BICD1: variants seen among roughly 807,000 people sequenced by gnomAD.
The protein encoded by BICD1 is BICD cargo adaptor 1, also known as protein bicaudal D homolog 1.
In BICD1, 35 loss-of-function variants were observed where a neutral mutation model predicts 92.5. The ratio of observed to expected loss-of-function variants is 0.38; its 90% CI spans 0.29 to 0.50. The LOEUF (loss-of-function observed/expected upper bound fraction) is 0.50. BICD1 is among the 20% of genes least tolerant of loss of function. The pLI is 0.93. For missense variants in BICD1, 950 were observed against 1,189.8 expected, an observed-to-expected ratio of 0.80 and a Z score of 2.97; for synonymous variants, 429 against 465.1, an observed-to-expected ratio of 0.92 and a Z score of 1.00.
intron 1 of BICD1, among the ~76,000 whole-genome samples, chr12:32,174,034 A>G (rs1452789670): frequency 2.6e-5 from 4 of 152,216 alleles, no homozygotes; most frequent in African/African-American, 9.6e-5. Flanking sequence ...GACAGAAATG[A>G]AAAGCTGTCA....
chr12:32,283,563 G>T (rs708226), intron 2 of BICD1, among the ~76,000 whole-genome samples: 94,233 of 152,058 alleles, frequency 0.62, 30,231 homozygotes, highest in Middle Eastern at 0.77. Context: ...GTAAGTATGC[G>T]ATGATGGTGA....
At chr12:32,198,293 T>G (rs1266855550) in intron 1 of BICD1, among the ~76,000 whole-genome samples, 1 of 139,094 alleles carries the variant, frequency 7.2e-6, no homozygotes, top group African/African-American at 2.6e-5. Flanking sequence ...TTAGTAAATC[T>G]TATGAGGGGA....
chr12:32,109,714 T>G (rs1345833549), intron 1 of BICD1: 3 of 151,824 alleles, frequency 2.0e-5, no homozygotes, highest in Non-Finnish European at 2.9e-5. Context: ...GTAATAAAAT[T>G]ATTATAGTTG....
At chr12:32,212,905 T>C (rs1945258373) in intron 1 of BICD1, among the ~76,000 whole-genome samples, 1 of 152,212 alleles carries the variant, frequency 6.6e-6, no homozygotes. Flanking sequence ...ATTTATTTAT[T>C]TTTTAACTTT....
intron 1 of BICD1, among the ~76,000 whole-genome samples, chr12:32,166,325 G>A (rs1339862984): frequency 2.6e-5 from 4 of 151,398 alleles, no homozygotes; most frequent in East Asian, 1.9e-4. Flanking sequence ...TAGTAAAGAC[G>A]GGGTTTCACC....
chr12:32,111,681 C>T (rs899898954), intron 1 of BICD1, among the ~76,000 whole-genome samples: 2 of 150,948 alleles, frequency 1.3e-5, no homozygotes, highest in African/African-American at 4.9e-5. Context: ...GATCTCGGCT[C>T]ACTGCAAGCT....
intron 1 of BICD1, among the ~76,000 whole-genome samples, chr12:32,187,933 A>G (rs1187381844): frequency 7.0e-6 from 1 of 142,968 alleles, no homozygotes; most frequent in Admixed American, 7.5e-5. Flanking sequence ...GCTGGAATCT[A>G]CTATAAATGC....
chr12:32,189,668 G>A (rs2121529606), intron 1 of BICD1, among the ~76,000 whole-genome samples: 1 of 151,898 alleles, frequency 6.6e-6, no homozygotes, highest in East Asian at 1.9e-4. Flanking sequence ...ACCATAGAAT[G>A]GTGGGTGGGG....
At chr12:32,178,422 C>T (rs529635130) in intron 1 of BICD1, among the ~76,000 whole-genome samples, 1 of 152,072 alleles carries the variant, frequency 6.6e-6, no homozygotes, top group East Asian at 1.9e-4. Flanking sequence ...GCCTGCTCTT[C>T]ATTTACATAG....
rs775708453 is a variant in BICD1 at position 32,328,538 on chromosome 12, T to C, written c.2083T>C (p.Leu695=). 1.9e-6 allele frequency: 3 copies of C among 1,611,440 alleles called. No individual in the cohort carries two copies. The highest frequency in any genetic ancestry group is 1.1e-5 in the South Asian group (1 of 90,904). The change falls in exon 5 of 10, where the codon TTG becomes CTG. Residue 695 remains leucine (L), a synonymous_variant. Coordinates refer to ENST00000652176, the MANE Select transcript of BICD1 (RefSeq NM_001714.4). The surrounding 1 kb of genome is among the most constrained non-coding windows in gnomAD (Gnocchi z 4.4). ...REQIATLRAV[L]KANKQTAEVA... is the part of the protein sequence containing the mutation. ...GCAGATCGCCACATTGAGGGCGGTGTTGAAAGCCAACAAGCAGGTAATCTC... is the reference window on the plus strand; with the variant it reads ...GCAGATCGCCACATTGAGGGCGGTGCTGAAAGCCAACAAGCAGGTAATCTC...
intron 4 of BICD1, among the ~76,000 whole-genome samples, chr12:32,324,641 T>C (rs1948734651): frequency 6.6e-6 from 1 of 152,078 alleles, no homozygotes; most frequent in South Asian, 2.1e-4. Flanking sequence ...AGTGGCACAA[T>C]CTCGGCTCGT....
intron 2 of BICD1, among the ~76,000 whole-genome samples, chr12:32,268,871 A>G (rs1253254391): frequency 1.3e-5 from 2 of 152,198 alleles, no homozygotes; most frequent in African/African-American, 4.8e-5. Context: ...TAATTTCTGG[A>G]CATTGAATAG....
chr12:32,117,697 TACACAA>T (rs1565526097), intron 1 of BICD1, among the ~76,000 whole-genome samples: 6 of 103,350 alleles, frequency 5.8e-5, no homozygotes, highest in Admixed American at 1.9e-4. Flanking sequence ...TATATATATA[TACACAA>T]ATATATATAC....
In BICD1 at chr12:32,107,424, G is replaced by T; in HGVS notation, c.93G>T (p.Lys31Asn). 6.2e-7 allele frequency: 1 copy of T among 1,612,304 alleles called. No homozygotes were observed. Residue 31 changes from lysine to asparagine, a missense_variant, in exon 1 of 10, where the codon AAG (lysine) becomes AAT (asparagine). Lys to Asn is a moderately conservative substitution (Grantham distance 94, BLOSUM62 0). Transcript: ENST00000652176. ...TKELTETTHE[K>N]IQAAEYGLVV... ...AGCTCACGGAGACCACCCACGAGAA[G>T]ATCCAGGCTGCCGAGTACGGGCTGG...
At chr12:32,195,197 C>G (rs372900334) in intron 1 of BICD1, among the ~76,000 whole-genome samples, 10 of 151,678 alleles carry the variant, frequency 6.6e-5, no homozygotes, top group East Asian at 5.8e-4. Flanking sequence ...CTGAAAGCAA[C>G]ATACAGATTC....
chr12:32,333,742 A>C (rs1411408256), intron 5 of BICD1, among the ~76,000 whole-genome samples: 2 of 152,194 alleles, frequency 1.3e-5, no homozygotes, highest in Non-Finnish European at 2.9e-5. Context: ...TGATTCAGTC[A>C]GTGTGTTTTT....
intron 4 of BICD1, among the ~76,000 whole-genome samples, chr12:32,317,151 G>A (rs1948526292): frequency 6.6e-6 from 1 of 152,118 alleles, no homozygotes; most frequent in African/African-American, 2.4e-5. Context: ...GTTGTGAATA[G>A]TGCCACAATA....
chr12:32,332,735 G>A (rs922058928), intron 5 of BICD1: 3 of 510,970 alleles, frequency 5.9e-6, no homozygotes, highest in East Asian at 3.0e-4. Context: ...TAAAGGATAA[G>A]AAGTTGTTTT....
intron 1 of BICD1, among the ~76,000 whole-genome samples, chr12:32,213,933 G>A (rs779445656): frequency 6.6e-6 from 1 of 152,104 alleles, no homozygotes; most frequent in Non-Finnish European, 1.5e-5. Flanking sequence ...ATTCTTACCT[G>A]TAACAGTTAT....
Sources: gnomAD v4.1 joint callset for allele counts (sites outside exome capture counted in the v4.1 genomes callset) on GRCh38, gnomAD v4.1.1 for gene constraint, Gnocchi (gnomAD v3.1) non-coding constraint, MANE v1.5 for transcripts, NCBI Gene and HGNC (gene_info 2026-07-23, HGNC 2026-07-21) for gene names.